CFDP1: variants seen among roughly 807,000 people sequenced by gnomAD.
CFDP1 encodes the protein chromatin remodeling protein CFDP1.
A neutral mutation model predicts 40.1 loss-of-function variants in CFDP1; 31 were observed. That is an observed-to-expected ratio of 0.77 (90% CI 0.58 to 1.04). The LOEUF is 1.04. CFDP1 is among the 50% of genes least tolerant of loss of function. The pLI, the probability that CFDP1 is intolerant of heterozygous loss-of-function variation, is 0.00. For synonymous variants in CFDP1, 167 were observed against 120.0 expected (o/e 1.39, Z -2.56); for missense variants, 423 against 343.4 (o/e 1.23, Z -1.83).
At chr16:75,306,879 A>ACACACACACACACACACACACACG (rs559560503) in intron 5 of CFDP1, among the ~76,000 whole-genome samples, 1 of 131,226 alleles carries the variant, frequency 7.6e-6, no homozygotes, top group Non-Finnish European at 1.6e-5. Flanking sequence ...GCGCGTGATC[A>ACACACACACACACACACACACACG]CACACACACA....
At chr16:75,350,378 T>G (rs1469401824) in intron 5 of CFDP1, among the ~76,000 whole-genome samples, 1 of 152,230 alleles carries the variant, frequency 6.6e-6, no homozygotes, top group Non-Finnish European at 1.5e-5. Flanking sequence ...AACTTCTCCA[T>G]ACCCTTGCCA....
At chr16:75,377,327 G>T (rs1473333547) in intron 5 of CFDP1, among the ~76,000 whole-genome samples, 3 of 152,202 alleles carry the variant, frequency 2.0e-5, no homozygotes, top group African/African-American at 7.2e-5. Context: ...AGAAAATATT[G>T]AAGTGTGGAG....
chr16:75,340,104 T>C (rs968972052), intron 5 of CFDP1, among the ~76,000 whole-genome samples: 2 of 152,244 alleles, frequency 1.3e-5, no homozygotes, highest in Non-Finnish European at 2.9e-5. Context: ...ATTTGAGTTT[T>C]GTAAGACAAA....
intron 5 of CFDP1, among the ~76,000 whole-genome samples, chr16:75,332,740 C>G (rs1299426072): frequency 6.7e-6 from 1 of 149,542 alleles, no homozygotes; most frequent in Non-Finnish European, 1.5e-5. Flanking sequence ...TATATAAAAA[C>G]ATATTTCAGA....
intron 5 of CFDP1, among the ~76,000 whole-genome samples, chr16:75,345,983 T>C (rs2078560247): frequency 6.6e-6 from 1 of 152,162 alleles, no homozygotes; most frequent in Admixed American, 6.5e-5. Context: ...AGGTCTCTAC[T>C]CAAGAAGAAA....
At chr16:75,317,239 G>C (rs924143372) in intron 5 of CFDP1, among the ~76,000 whole-genome samples, 4 of 152,162 alleles carry the variant, frequency 2.6e-5, no homozygotes, top group African/African-American at 9.7e-5. Flanking sequence ...CTGACCTGCC[G>C]CCAGACCTCT....
intron 5 of CFDP1, among the ~76,000 whole-genome samples, chr16:75,340,616 G>C (rs760101609): frequency 6.6e-6 from 1 of 152,198 alleles, no homozygotes; most frequent in Non-Finnish European, 1.5e-5. Flanking sequence ...TCTGCAATAA[G>C]AGGAACTATT....
chr16:75,351,436 A>T (rs1305857602), intron 5 of CFDP1, among the ~76,000 whole-genome samples: 4 of 152,208 alleles, frequency 2.6e-5, no homozygotes, highest in African/African-American at 9.7e-5. Context: ...ATGTTTTGTT[A>T]TGCCATACAG....
At chr16:75,393,992 T>G (rs1030734433) in intron 5 of CFDP1, among the ~76,000 whole-genome samples, 3 of 151,858 alleles carry the variant, frequency 2.0e-5, no homozygotes, top group Non-Finnish European at 4.4e-5. Context: ...GAGGCGGAGC[T>G]TGCAGTGAGC....
intron 5 of CFDP1, among the ~76,000 whole-genome samples, chr16:75,306,235 T>C (rs1261556949): frequency 2.0e-5 from 3 of 152,216 alleles, no homozygotes; most frequent in Non-Finnish European, 2.9e-5. Flanking sequence ...AGTGCTTTTG[T>C]AGCCATGATC....
rs184874433 is a variant in CFDP1, at chr16:75,322,106, G to A, written c.651-16924C>T. 3.0e-3 allele frequency among the ~76,000 whole-genome samples: 460 copies of A among 152,360 alleles called. 2 individuals are homozygous for A. The highest frequency in any genetic ancestry group is 5.0e-3 in the Non-Finnish European group (341 of 68,040). On this transcript the variant is annotated intron_variant, in intron 5 of 6. Transcript: ENST00000283882. Reference sequence around the variant, plus strand: ...CCCAAAGTGCTGGGGTTACAGGCGTGAGCCACCGCGCCCAGCCTATTAAAC... The same window carrying A: ...CCCAAAGTGCTGGGGTTACAGGCGTAAGCCACCGCGCCCAGCCTATTAAAC...
chr16:75,338,112 G>T (rs893994759), intron 5 of CFDP1, among the ~76,000 whole-genome samples: 1 of 152,120 alleles, frequency 6.6e-6, no homozygotes, highest in African/African-American at 2.4e-5. Flanking sequence ...ACCCTTCTTA[G>T]CTTGGATACT....
intron 5 of CFDP1, among the ~76,000 whole-genome samples, chr16:75,325,915 C>A (rs1298157955): frequency 1.3e-5 from 2 of 152,180 alleles, no homozygotes; most frequent in Non-Finnish European, 2.9e-5. Flanking sequence ...CTGTCAATAG[C>A]CTGGAAATTG....
chr16:75,377,938 G>A (rs1386176165), intron 5 of CFDP1, among the ~76,000 whole-genome samples: 2 of 152,196 alleles, frequency 1.3e-5, no homozygotes, highest in Non-Finnish European at 2.9e-5. Context: ...ACCAGCCACA[G>A]CCTGAACACT....
At chr16:75,431,849 G>A (rs2079422563) in intron 1 of CFDP1, among the ~76,000 whole-genome samples, 1 of 151,584 alleles carries the variant, frequency 6.6e-6, no homozygotes, top group African/African-American at 2.4e-5. Context: ...TCAAAAGGTG[G>A]AAAGAAGTTT....
chr16:75,426,513 A>G (rs531469169), intron 1 of CFDP1, among the ~76,000 whole-genome samples: 3 of 152,166 alleles, frequency 2.0e-5, no homozygotes, highest in African/African-American at 7.2e-5. Flanking sequence ...TCCAAGTTTA[A>G]AAATTTTACT....
intron 5 of CFDP1, among the ~76,000 whole-genome samples, chr16:75,390,666 A>G (rs2078940747): frequency 6.6e-6 from 1 of 152,240 alleles, no homozygotes; most frequent in South Asian, 2.1e-4. Flanking sequence ...TCAGAGGGCA[A>G]TGGAGTACCC....
chr16:75,324,250 G>C (rs1567645651), intron 5 of CFDP1, among the ~76,000 whole-genome samples: 1 of 152,128 alleles, frequency 6.6e-6, no homozygotes, highest in African/African-American at 2.4e-5. Flanking sequence ...GAGAGTTGAA[G>C]GATGAGAAAG....
chr16:75,306,077 G>A (rs1029431726), intron 5 of CFDP1, among the ~76,000 whole-genome samples: 5 of 152,194 alleles, frequency 3.3e-5, no homozygotes, highest in Non-Finnish European at 4.4e-5. Context: ...GAAATGAAAC[G>A]AAATCATCTA....
Sources: allele counts gnomAD v4.1 joint callset (sites outside exome capture counted in the v4.1 genomes callset), GRCh38; gene constraint gnomAD v4.1.1; transcripts MANE v1.5; gene names NCBI Gene and HGNC (gene_info 2026-07-23, HGNC 2026-07-21).